FER: variants seen among roughly 807,000 people sequenced by gnomAD.
FER encodes the protein tyrosine-protein kinase Fer.
FER carries 63 observed loss-of-function variants against 111.0 expected under a neutral mutation model. The ratio of observed to expected loss-of-function variants is 0.57; its 90% CI spans 0.46 to 0.70. The LOEUF (loss-of-function observed/expected upper bound fraction) is 0.70. Ranked by LOEUF, FER falls within the 30% of genes least tolerant of loss-of-function variation. The probability of loss-of-function intolerance (pLI) is 0.00; values close to 1 mark genes in which losing one functional copy is unlikely to be tolerated. For missense variants in FER, 914 were observed against 954.0 expected (o/e 0.96, Z 0.55); for synonymous variants, 327 against 313.9 (o/e 1.04, Z -0.44).
At chr5:108,783,064 T>C (rs1754276591) in intron 2 of FER, among the ~76,000 whole-genome samples, 1 of 152,188 alleles carries the variant, frequency 6.6e-6, no homozygotes, top group Non-Finnish European at 1.5e-5. Context: ...TCAGTCTGGC[T>C]CTCTTTCTCT....
chr5:108,757,364 C>A (rs541777701), intron 1 of FER, among the ~76,000 whole-genome samples: 200 of 152,156 alleles, frequency 1.3e-3, no homozygotes, highest in African/African-American at 4.3e-3. Context: ...GAAGTTATAA[C>A]ATGTTTCTTT....
chr5:109,028,559 T>C (rs892532672), intron 13 of FER, among the ~76,000 whole-genome samples: 2 of 152,140 alleles, frequency 1.3e-5, no homozygotes, highest in Non-Finnish European at 2.9e-5. Context: ...GTTCAAACAT[T>C]GTTTCTGCCA....
rs1021666877 is a variant in FER, at chr5:109,191,937, G to T, written c.*4362G>T. The T allele has an allele frequency of 3.3e-5, 5 of 152,050 alleles. No individual in the cohort carries two copies. Among genetic ancestry groups the T allele is most frequent in the African/African-American group, 9.7e-5 (4 of 41,400 alleles). 9.4% of individuals were successfully genotyped at this position (152,050 alleles called of 1,614,324 possible). A position where few individuals can be genotyped will look rare whatever the true frequency, so the allele number is the denominator to read the frequency against. On this transcript the variant is annotated 3_prime_UTR_variant, in exon 20 of 20. Transcript: ENST00000281092. ...CCAAAAATTCCCCTTTAAAAAAAAT[G>T]CTGTCCTACAGAAGGTGTATAAACT...
chr5:109,017,883 C>G (rs916845110), intron 13 of FER, among the ~76,000 whole-genome samples: 24 of 152,014 alleles, frequency 1.6e-4, no homozygotes, highest in African/African-American at 5.1e-4. Flanking sequence ...CTACCCTTTT[C>G]TTTCCCTGAC....
At chr5:108,776,387 C>T (rs1753493777) in intron 2 of FER, among the ~76,000 whole-genome samples, 1 of 151,940 alleles carries the variant, frequency 6.6e-6, no homozygotes, top group Admixed American at 6.6e-5. Context: ...ACAATTTAGG[C>T]AATTTATTAC....
chr5:109,095,299 G>A (rs1747362183), intron 16 of FER, among the ~76,000 whole-genome samples: 1 of 152,034 alleles, frequency 6.6e-6, no homozygotes, highest in Non-Finnish European at 1.5e-5. Context: ...GTATGTTTTT[G>A]GAGTCATTTT....
chr5:109,105,110 G>C (rs1386183036), intron 17 of FER, among the ~76,000 whole-genome samples: 1 of 152,098 alleles, frequency 6.6e-6, no homozygotes, highest in Non-Finnish European at 1.5e-5. Context: ...GCCAGGAAGA[G>C]AGTAATATTA....
intron 16 of FER, among the ~76,000 whole-genome samples, chr5:109,060,200 T>A: frequency 6.6e-6 from 1 of 152,224 alleles, no homozygotes; most frequent in East Asian, 1.9e-4. Flanking sequence ...GGGTTCTTTT[T>A]GGAGTGATGA....
intron 13 of FER, among the ~76,000 whole-genome samples, chr5:109,030,772 A>G (rs11951595): frequency 0.19 from 28,225 of 152,146 alleles, 2,780 homozygotes; most frequent in Non-Finnish European, 0.22. Flanking sequence ...CGTTAGGCAC[A>G]CTGCCCTGTC....
At chr5:108,835,966 T>A (rs1760617079) in intron 5 of FER, 159 bp downstream of exon 5, 3 of 406,396 alleles carry the variant, frequency 7.4e-6, no homozygotes, top group Admixed American at 4.6e-5. Flanking sequence ...GTGTAGTAAG[T>A]CTTACTAATT....
Position 108,768,229 on chromosome 5 carries a change from CAGT to C in FER, c.-64_-62del. 6.6e-6 allele frequency: 1 copy of C among 152,302 alleles called. No individual in the cohort carries two copies. The highest frequency in any genetic ancestry group is 1.9e-4 in the East Asian group (1 of 5,184). The allele number at this position is 152,302 out of a possible 1,614,324, so 9.4% of individuals were successfully genotyped here. On this transcript the variant is annotated 5_prime_UTR_variant, in exon 2 of 20. The change abolishes the stop of an existing upstream ORF in the 5' untranslated region. Coordinates refer to ENST00000281092, the MANE Select transcript of FER (RefSeq NM_005246.4). Reference sequence around the variant, plus strand: ...TAGCTAAGGCATGACCAGCAATGAACAGTAGTAAGGTAGGATTACTTTATTCTT... The same window carrying C: ...TAGCTAAGGCATGACCAGCAATGAACAGTAAGGTAGGATTACTTTATTCTT...
intron 13 of FER, among the ~76,000 whole-genome samples, chr5:108,992,974 A>G (rs974092031): frequency 1.4e-5 from 2 of 147,352 alleles, no homozygotes; most frequent in Non-Finnish European, 3.0e-5. Flanking sequence ...CACTTCCTAG[A>G]TGGGATGGCG....
rs36078731 is a variant in FER, at chr5:108,760,158, G to GTT, written c.-205-7920_-205-7919dup. 2.8e-3 allele frequency among the ~76,000 whole-genome samples: 391 copies of GTT among 141,060 alleles called. 6 individuals are homozygous for GTT. Among genetic ancestry groups the GTT allele is most frequent in the African/African-American group, 2.3e-3 (89 of 38,802 alleles). The allele number at this position is 141,060 out of a possible 152,430, so 92.5% of individuals were successfully genotyped here. ...AATAATATTTTGAAAGCAGTCTTCT[G>GTT]TTTTTTTTTTTTTTTTCTGAGCAGT... On this transcript the variant is annotated intron_variant, in intron 1 of 19. Coordinates refer to ENST00000281092, the MANE Select transcript of FER (RefSeq NM_005246.4).
At chr5:109,158,836 T>C (rs1239013695) in intron 17 of FER, among the ~76,000 whole-genome samples, 3 of 152,154 alleles carry the variant, frequency 2.0e-5, no homozygotes, top group African/African-American at 7.2e-5. Flanking sequence ...CTGCCTTTTC[T>C]GCCATATCTT....
chr5:108,816,842 C>T (rs1234674088), intron 3 of FER, among the ~76,000 whole-genome samples: 1 of 151,986 alleles, frequency 6.6e-6, no homozygotes, highest in African/African-American at 2.4e-5. Flanking sequence ...GTGGCTCATG[C>T]CTGTAATCCA....
chr5:109,158,094 A>G (rs1343991105), intron 17 of FER, among the ~76,000 whole-genome samples: 2 of 152,070 alleles, frequency 1.3e-5, no homozygotes, highest in South Asian at 2.1e-4. Context: ...TTTTTTAAAT[A>G]GGCTGGGCAC....
intron 13 of FER, among the ~76,000 whole-genome samples, chr5:108,994,784 C>A (rs1052829696): frequency 3.9e-5 from 6 of 151,992 alleles, no homozygotes; most frequent in African/African-American, 1.4e-4. Context: ...CTCTTATTTC[C>A]TTGAGCAGTG....
At chr5:108,974,255 C>T (rs1216079283) in intron 13 of FER, among the ~76,000 whole-genome samples, 1 of 152,102 alleles carries the variant, frequency 6.6e-6, no homozygotes, top group African/African-American at 2.4e-5. Flanking sequence ...AGGTGATGAA[C>T]CCCATTCCAG....
At chr5:108,830,227 G>C (rs1369716812) in intron 3 of FER, among the ~76,000 whole-genome samples, 2 of 152,176 alleles carry the variant, frequency 1.3e-5, no homozygotes, top group Non-Finnish European at 2.9e-5. Context: ...GCCAAAGTGG[G>C]TGGATCACTT....
Sources: allele counts gnomAD v4.1 joint callset (sites outside exome capture counted in the v4.1 genomes callset), GRCh38; gene constraint gnomAD v4.1.1; transcripts MANE v1.5; gene names NCBI Gene and HGNC (gene_info 2026-07-23, HGNC 2026-07-21).